The following C16orf78 variants were observed in gnomAD, a reference collection of about 807,000 sequenced individuals.
C16orf78 encodes uncharacterized protein C16orf78.
Under a neutral mutation model 27.3 loss-of-function variants are expected in C16orf78, and 19 were observed. The observed-to-expected ratio is 0.70, with a 90% confidence interval of 0.49 to 1.02. The LOEUF (loss-of-function observed/expected upper bound fraction) is 1.02. Ranked by LOEUF, C16orf78 falls within the 50% of genes least tolerant of loss-of-function variation. The pLI, the probability that C16orf78 is intolerant of heterozygous loss-of-function variation, is 0.00. For missense variants in C16orf78, 339 were observed against 337.0 expected, an observed-to-expected ratio of 1.01 and a Z score of -0.05; for synonymous variants, 130 against 116.1, an observed-to-expected ratio of 1.12 and a Z score of -0.77.
At position 49,396,520 on chromosome 16, in the gene C16orf78, T is replaced by C. The variant is rs775678709; in HGVS notation, c.492T>C (p.Gly164=). The change falls in exon 4 of 5, where the codon GGT becomes GGC. Residue 164 remains glycine (G), a synonymous_variant. Coordinates refer to ENST00000299191, the MANE Select transcript of C16orf78 (RefSeq NM_144602.4). ...SIVLDPMLQE[G]TFNSQRATFI... is the part of the protein sequence containing the mutation. The stretch of plus-strand genomic sequence containing the variant: ...TCTTAGATCCCATGTTACAGGAGGG[T>C]ACCTTTAACAGCCAGAGGGCAACCT... The C allele has an allele frequency of 3.1e-6, 5 of 1,613,982 alleles. No homozygotes were observed. The highest frequency in any genetic ancestry group is 3.4e-6 in the Non-Finnish European group (4 of 1,179,950).
rs149778696 is a variant in C16orf78 at position 49,382,474 on chromosome 16, T to C, written c.394+3881T>C. Among the ~76,000 whole-genome samples, 4 of 152,108 alleles carry C rather than the reference T, an allele frequency of 2.6e-5. No individual in the cohort carries two copies. The East Asian group carries it at 7.7e-4, about 29-fold the overall frequency. On this transcript the variant is annotated intron_variant, in intron 3 of 4. Coordinates refer to ENST00000299191, the MANE Select transcript of C16orf78 (RefSeq NM_144602.4). The stretch of plus-strand genomic sequence containing the variant: ...AAAAAAAAGAATTACATCACAGAAT[T>C]ATACAGCAAACAAATTAGAGATTGA...
At chr16:49,380,304 A>C (rs190614683) in intron 3 of C16orf78, among the ~76,000 whole-genome samples, 165 of 152,250 alleles carry the variant, frequency 1.1e-3, no homozygotes, top group African/African-American at 3.8e-3. Flanking sequence ...ATATACATCT[A>C]TCCTGTTAGT....
intron 3 of C16orf78, among the ~76,000 whole-genome samples, chr16:49,385,705 CAA>C (rs1965342399): frequency 6.8e-6 from 1 of 148,072 alleles, no homozygotes; most frequent in African/African-American, 2.5e-5. Context: ...CCACAGAAAA[CAA>C]ACCTGTAGCA....
chr16:49,389,525 A>T (rs1484337747), intron 3 of C16orf78, among the ~76,000 whole-genome samples: 1 of 152,080 alleles, frequency 6.6e-6, no homozygotes, highest in South Asian at 2.1e-4. Context: ...GGACCTGGGA[A>T]GCGGAAGCTG....
intron 4 of C16orf78, among the ~76,000 whole-genome samples, chr16:49,397,108 G>C (rs911551248): frequency 6.6e-6 from 1 of 152,170 alleles, no homozygotes; most frequent in East Asian, 1.9e-4. Context: ...CTTTTAGACT[G>C]TCAAAGGGAT....
intron 4 of C16orf78, 105 bp downstream of exon 4, chr16:49,396,783 G>C (rs1171098388): frequency 1.4e-6 from 2 of 1,418,326 alleles, no homozygotes; most frequent in East Asian, 2.4e-5. Flanking sequence ...AGATCTAGGA[G>C]TAGGGGCTTG....
chr16:49,377,693 A>G (rs1373035046), intron 1 of C16orf78, 38 bp from the exon 2 acceptor site: 2 of 1,591,062 alleles, frequency 1.3e-6, no homozygotes, highest in Non-Finnish European at 1.7e-6. Flanking sequence ...CTGTCCCCAC[A>G]GCAGTGGCTG....
rs200030030 is a variant in C16orf78 at position 49,377,881 on chromosome 16, C to A, written c.270+31C>A. 17 of 1,552,158 alleles carry A rather than the reference C, an allele frequency of 1.1e-5. No homozygotes were observed. In the South Asian group the frequency reaches 1.7e-4, roughly 15 times the overall value. ...GCAGCCCCTCTTCCCCCACTCACCC[C>A]CACTGGGTCTCCAAATGGAGGAGGG... is the stretch of plus-strand genomic sequence containing the variant. On this transcript the variant is annotated intron_variant, in intron 2 of 4. Transcript: ENST00000299191.
chr16:49,382,903 G>C (rs1410331496), intron 3 of C16orf78, among the ~76,000 whole-genome samples: 3 of 152,130 alleles, frequency 2.0e-5, no homozygotes, highest in Non-Finnish European at 1.5e-5. Flanking sequence ...ACTCAAAGTA[G>C]TCTATTAAGA....
At chr16:49,398,415 C>T (rs1965499245) in intron 4 of C16orf78, among the ~76,000 whole-genome samples, 1 of 152,208 alleles carries the variant, frequency 6.6e-6, no homozygotes, top group Non-Finnish European at 1.5e-5. Flanking sequence ...TCCCATTCTT[C>T]AGTATCAGAA....
chr16:49,391,277 G>A (rs1477320728), intron 3 of C16orf78, among the ~76,000 whole-genome samples: 1 of 152,168 alleles, frequency 6.6e-6, no homozygotes, highest in Non-Finnish European at 1.5e-5. Flanking sequence ...GTAGTAGACT[G>A]GAAAGGGAAT....
rs758951763 is a variant in C16orf78 at position 49,399,186 on chromosome 16, G to T, written c.706G>T (p.Ala236Ser). The change falls in exon 5 of 5, where the codon GCA becomes TCA. Residue 236 changes from alanine to serine, a missense_variant. By Grantham distance (99) the Ala-to-Ser change is moderately conservative (BLOSUM62 1). Transcript: ENST00000299191. ...IRTLLKLCKD[A>S]GMNVDIHPHM... ...GACCTTGCTCAAGTTGTGCAAGGATGCAGGAATGAATGTGGATATCCACCC... is the reference window on the plus strand; with the variant it reads ...GACCTTGCTCAAGTTGTGCAAGGATTCAGGAATGAATGTGGATATCCACCC... The T allele has an allele frequency of 3.1e-6, 5 of 1,614,094 alleles. No individual in the cohort carries two copies. The highest frequency in any genetic ancestry group is 4.2e-6 in the Non-Finnish European group (5 of 1,180,032).
At chr16:49,379,715 G>GT in intron 3 of C16orf78, among the ~76,000 whole-genome samples, 1 of 152,246 alleles carries the variant, frequency 6.6e-6, no homozygotes, top group Admixed American at 6.5e-5. Context: ...TGCCATGGAC[G>GT]TAAGATGTTA....
intron 3 of C16orf78, among the ~76,000 whole-genome samples, chr16:49,382,157 C>T (rs573142086): frequency 8.6e-5 from 13 of 152,038 alleles, no homozygotes; most frequent in African/African-American, 2.2e-4. Context: ...AGTAAACTAT[C>T]GCAAGAACAA....
chr16:49,384,346 C>CAAAA (rs771147270), intron 3 of C16orf78, among the ~76,000 whole-genome samples: 28 of 50,738 alleles, frequency 5.5e-4, no homozygotes, highest in African/African-American at 7.6e-4. Context: ...AAAACTCCAT[C>CAAAA]AAAAAAAAAA....
intron 3 of C16orf78, among the ~76,000 whole-genome samples, chr16:49,395,103 G>T (rs1045144844): frequency 3.3e-5 from 5 of 151,992 alleles, no homozygotes; most frequent in Admixed American, 1.3e-4. Flanking sequence ...AATCCATGTT[G>T]CCCAGGCTGA....
chr16:49,384,855 G>A lies in C16orf78; in HGVS notation c.394+6262G>A, dbSNP rs149232281. 3.9e-5 allele frequency among the ~76,000 whole-genome samples: 6 copies of A among 152,288 alleles called. No homozygotes were observed. In the East Asian group the frequency reaches 1.2e-3, roughly 29 times the overall value. On this transcript the variant is annotated intron_variant, in intron 3 of 4. Transcript: ENST00000299191. ...CACAAGACTATGAGTAGACTTCTCA[G>A]CAGAAACCTTGCACATCAGGAGAAA...
At chr16:49,383,341 G>A (rs1965310105) in intron 3 of C16orf78, among the ~76,000 whole-genome samples, 1 of 152,210 alleles carries the variant, frequency 6.6e-6, no homozygotes, top group Non-Finnish European at 1.5e-5. Context: ...CAGCACCTAT[G>A]AAGGGCCTAA....
At chr16:49,378,246 C>A (rs1965244577) in intron 2 of C16orf78, among the ~76,000 whole-genome samples, 1 of 152,140 alleles carries the variant, frequency 6.6e-6, no homozygotes, top group Non-Finnish European at 1.5e-5. Context: ...CCCCCAGGGA[C>A]CCCTCCGATA....
Sources: allele counts gnomAD v4.1 joint callset (sites outside exome capture counted in the v4.1 genomes callset), GRCh38; gene constraint gnomAD v4.1.1; transcripts MANE v1.5; gene names NCBI Gene and HGNC (gene_info 2026-07-23, HGNC 2026-07-21).